Variants in TXNDC16 observed in about 807,000 individuals in gnomAD.
TXNDC16 encodes thioredoxin domain containing 16, also known as thioredoxin domain-containing protein 16.
TXNDC16 carries 74 observed loss-of-function variants against 85.6 expected under a neutral mutation model. That is an observed-to-expected ratio of 0.86 (90% CI 0.72 to 1.05). TXNDC16 has a LOEUF of 1.05. Ranked by LOEUF, TXNDC16 falls within the 50% of genes least tolerant of loss-of-function variation. The probability of loss-of-function intolerance (pLI) is 0.00; values close to 1 mark genes in which losing one functional copy is unlikely to be tolerated. For synonymous variants in TXNDC16, 335 were observed against 326.5 expected (o/e 1.03, Z -0.28); for missense variants, 959 against 947.0 (o/e 1.01, Z -0.17).
chr14:52,536,970 A>G (rs1594763790), intron 5 of TXNDC16, among the ~76,000 whole-genome samples, 177 bp from the exon 6 acceptor site: 1 of 151,990 alleles, frequency 6.6e-6, no homozygotes, highest in African/African-American at 2.4e-5. Flanking sequence ...TTCTCAATAA[A>G]TATATTAACT....
chr14:52,471,772 TC>T (rs2140133536), intron 14 of TXNDC16, among the ~76,000 whole-genome samples: 1 of 151,994 alleles, frequency 6.6e-6, no homozygotes, highest in African/African-American at 2.4e-5. Context: ...TAATTTCTTT[TC>T]AGCCTAAGAA....
chr14:52,530,845 G>A (rs2037558124), intron 6 of TXNDC16, among the ~76,000 whole-genome samples: 1 of 150,630 alleles, frequency 6.6e-6, no homozygotes, highest in Admixed American at 6.7e-5. Flanking sequence ...TAAGTATGCA[G>A]GCATATATTT....
chr14:52,456,649 G>C (rs1048224466), intron 17 of TXNDC16, among the ~76,000 whole-genome samples: 1 of 152,136 alleles, frequency 6.6e-6, no homozygotes, highest in Non-Finnish European at 1.5e-5. Context: ...TATTTTGGTA[G>C]TCCATAGAAG....
intron 20 of TXNDC16, among the ~76,000 whole-genome samples, chr14:52,435,229 G>A (rs1258941414): frequency 6.9e-6 from 1 of 144,050 alleles, no homozygotes; most frequent in East Asian, 2.0e-4. Flanking sequence ...AGGAGCTCAG[G>A]TTTCTATGTT....
At chr14:52,434,867 T>C (rs78335689) in intron 20 of TXNDC16, among the ~76,000 whole-genome samples, 2,147 of 152,258 alleles carry the variant, frequency 0.014, 37 homozygotes, top group African/African-American at 0.049. Flanking sequence ...CAGTGATGCA[T>C]AGAAATGATG....
rs567557420 is a variant in TXNDC16 at position 52,499,012 on chromosome 14, A to C, written c.757-8007T>G. On this transcript the variant is annotated intron_variant, in intron 9 of 20. Transcript: ENST00000281741. ...GAACAAAATAGAGAGCCCACAAATA[A>C]ACCTTCATGTATATGTTCAAATGAT... Among the ~76,000 whole-genome samples, 50 of 152,286 alleles carry C rather than the reference A, an allele frequency of 3.3e-4. 3 individuals are homozygous for C. The South Asian group carries it at 0.01, about 31-fold the overall frequency.
chr14:52,511,983 G>C (rs1367644736), intron 8 of TXNDC16, among the ~76,000 whole-genome samples: 1 of 152,124 alleles, frequency 6.6e-6, no homozygotes, highest in African/African-American at 2.4e-5. Context: ...TTATAGTGGA[G>C]ATAAGGTTTG....
chr14:52,473,024 G>C (rs139590951), intron 14 of TXNDC16, among the ~76,000 whole-genome samples: 4 of 152,228 alleles, frequency 2.6e-5, no homozygotes, highest in African/African-American at 9.6e-5. Context: ...TTAAGGTGGG[G>C]CGACCAGACT....
At chr14:52,436,694 A>G (rs1197032774) in intron 20 of TXNDC16, among the ~76,000 whole-genome samples, 3 of 152,282 alleles carry the variant, frequency 2.0e-5, no homozygotes, top group South Asian at 2.1e-4. Flanking sequence ...GTAATGATTG[A>G]CCCTAAAATA....
intron 8 of TXNDC16, among the ~76,000 whole-genome samples, chr14:52,513,339 T>G (rs1167134174): frequency 6.6e-6 from 1 of 152,110 alleles, no homozygotes; most frequent in African/African-American, 2.4e-5. Context: ...TGTATTCACC[T>G]CACTCCTATT....
At chr14:52,472,878 G>A (rs2035940210) in intron 14 of TXNDC16, among the ~76,000 whole-genome samples, 1 of 152,174 alleles carries the variant, frequency 6.6e-6, no homozygotes, top group African/African-American at 2.4e-5. Flanking sequence ...CTGCAAGGGT[G>A]CACGTACCGG....
rs1266639284 is a variant in TXNDC16, at chr14:52,530,467, A to T, written c.392+6252T>A. Among the ~76,000 whole-genome samples, 5 of 3,854 alleles carry T rather than the reference A, an allele frequency of 1.3e-3. 2 individuals carry two copies. Among genetic ancestry groups the T allele is most frequent in the Non-Finnish European group, 1.3e-3 (3 of 2,252 alleles). 2.5% of individuals were successfully genotyped at this position (3,854 alleles called of 152,430 possible). A position where few individuals can be genotyped will look rare whatever the true frequency, so the allele number is the denominator to read the frequency against. ...ATATTATTATATAATAATATATATT[A>T]TATATTATTATATATAATATTATAT... On this transcript the variant is annotated intron_variant, in intron 6 of 20. Coordinates refer to ENST00000281741, the MANE Select transcript of TXNDC16 (RefSeq NM_020784.3).
chr14:52,501,085 C>T (rs1027531030), intron 9 of TXNDC16, among the ~76,000 whole-genome samples: 1 of 152,134 alleles, frequency 6.6e-6, no homozygotes, highest in African/African-American at 2.4e-5. Flanking sequence ...TCTAAAACAA[C>T]TCCATATCTG....
chr14:52,524,780 C>T (rs2140200110), intron 6 of TXNDC16, among the ~76,000 whole-genome samples: 1 of 152,128 alleles, frequency 6.6e-6, no homozygotes. Flanking sequence ...CAGTGTGCGC[C>T]ACCTCACCTG....
intron 9 of TXNDC16, among the ~76,000 whole-genome samples, chr14:52,504,264 A>G (rs1056856462): frequency 1.2e-4 from 18 of 152,182 alleles, no homozygotes; most frequent in African/African-American, 3.9e-4. Flanking sequence ...AAGACACATA[A>G]TTGTCAGATT....
intron 6 of TXNDC16, among the ~76,000 whole-genome samples, chr14:52,519,563 C>A (rs1010427804): frequency 1.4e-4 from 21 of 152,092 alleles, no homozygotes; most frequent in Non-Finnish European, 7.4e-5. Flanking sequence ...TCACTAACAC[C>A]CTAGTCTGGC....
chr14:52,478,613 C>G (rs943506097), intron 14 of TXNDC16, among the ~76,000 whole-genome samples: 1 of 151,906 alleles, frequency 6.6e-6, no homozygotes, highest in African/African-American at 2.4e-5. Flanking sequence ...TAGCTTAAAT[C>G]AGAAAGAATT....
rs528176605 is a variant in TXNDC16 at position 52,519,027 on chromosome 14, T to A, written c.514+145A>T. 1.0e-5 allele frequency: 8 copies of A among 803,468 alleles called. No individual in the cohort carries two copies. The East Asian group carries it at 2.3e-4, about 23-fold the overall frequency. The allele number at this position is 803,468 out of a possible 1,614,324, so 49.8% of individuals were successfully genotyped here. On this transcript the variant is annotated intron_variant, in intron 7 of 20. Transcript: ENST00000281741. ...TCAACCACTGTATTACGCTGCCCAT[T>A]TAAAGAAAAATAGCTTAATAGTAAA...
intron 18 of TXNDC16, among the ~76,000 whole-genome samples, chr14:52,454,574 C>A (rs1356372923): frequency 1.4e-5 from 2 of 146,574 alleles, no homozygotes; most frequent in African/African-American, 5.1e-5. Context: ...GAGGCCGAGG[C>A]AGGCGGATCA....
Sources: gnomAD v4.1 joint callset for allele counts (sites outside exome capture counted in the v4.1 genomes callset) on GRCh38, gnomAD v4.1.1 for gene constraint, MANE v1.5 for transcripts, NCBI Gene and HGNC (gene_info 2026-07-23, HGNC 2026-07-21) for gene names.